Variants in NCALD observed in about 807,000 individuals in gnomAD.
NCALD encodes the protein neurocalcin delta.
A neutral mutation model predicts 18.6 loss-of-function variants in NCALD; 10 were observed. That is an observed-to-expected ratio of 0.54 (90% CI 0.33 to 0.91). NCALD has a LOEUF of 0.91. Ranked by LOEUF, NCALD falls within the 40% of genes least tolerant of loss-of-function variation. The pLI is 0.03. For missense variants in NCALD, 184 were observed against 247.6 expected, an observed-to-expected ratio of 0.74 and a Z score of 1.72; for synonymous variants, 88 against 87.4, an observed-to-expected ratio of 1.01 and a Z score of -0.04.
chr8:101,953,000 T>C (rs953491480), intron 2 of NCALD, among the ~76,000 whole-genome samples: 1 of 151,712 alleles, frequency 6.6e-6, no homozygotes, highest in Non-Finnish European at 1.5e-5. Flanking sequence ...TCCCCACGGG[T>C]TTTGAGGAGT....
chr8:102,119,300 T>C (rs1014891924), intron 1 of NCALD, among the ~76,000 whole-genome samples: 6 of 152,204 alleles, frequency 3.9e-5, no homozygotes, highest in Non-Finnish European at 5.9e-5. Context: ...GACATTATTA[T>C]AAGTGAAATA....
intron 1 of NCALD, among the ~76,000 whole-genome samples, chr8:102,089,582 T>A (rs1824856725): frequency 6.6e-6 from 1 of 152,168 alleles, no homozygotes; most frequent in African/African-American, 2.4e-5. Flanking sequence ...CGTAATGCCT[T>A]TTAGTTCACA....
At chr8:101,835,885 A>G (rs1221702324) in intron 4 of NCALD, among the ~76,000 whole-genome samples, 3 of 152,188 alleles carry the variant, frequency 2.0e-5, no homozygotes, top group African/African-American at 7.2e-5. Flanking sequence ...TAGATCACCT[A>G]AACAGTAGTA....
At chr8:101,733,059 G>C (rs1816914729) in intron 1 of NCALD, among the ~76,000 whole-genome samples, 2 of 152,248 alleles carry the variant, frequency 1.3e-5, no homozygotes, top group South Asian at 4.2e-4. Context: ...TGTAGAACCA[G>C]AACCATCCTC....
intron 1 of NCALD, among the ~76,000 whole-genome samples, chr8:102,119,344 T>A (rs1299371703): frequency 2.0e-5 from 3 of 152,158 alleles, no homozygotes; most frequent in Non-Finnish European, 2.9e-5. Flanking sequence ...ACCTTTTATA[T>A]GAGGTACCTA....
At chr8:101,722,061 T>C (rs1816384399) in intron 1 of NCALD, among the ~76,000 whole-genome samples, 2 of 152,300 alleles carry the variant, frequency 1.3e-5, no homozygotes, top group South Asian at 4.1e-4. Flanking sequence ...TAGCCTGGTC[T>C]CAGACTCCTG....
intron 1 of NCALD, among the ~76,000 whole-genome samples, chr8:101,758,696 T>C (rs1343286856): frequency 6.6e-6 from 1 of 152,172 alleles, no homozygotes; most frequent in East Asian, 1.9e-4. Flanking sequence ...TGGTATTCAT[T>C]ACATTGCAAG....
intron 2 of NCALD, among the ~76,000 whole-genome samples, chr8:102,008,899 C>T (rs556194353): frequency 1.5e-4 from 21 of 141,030 alleles, no homozygotes; most frequent in Non-Finnish European, 2.8e-4. Context: ...ACCACCCCCA[C>T]CTCCACCCCC....
chr8:101,883,189 CAGTG>C (rs751070797), intron 4 of NCALD, among the ~76,000 whole-genome samples: 8 of 151,994 alleles, frequency 5.3e-5, no homozygotes, highest in Non-Finnish European at 8.8e-5. Flanking sequence ...CTGGGCAACA[CAGTG>C]AGACACTCTG....
intron 3 of NCALD, chr8:101,690,286 C>T (rs944484270): frequency 2.4e-5 from 24 of 985,264 alleles, no homozygotes; most frequent in African/African-American, 1.9e-4. Flanking sequence ...TTGTCTACCC[C>T]GCCCCTGGGA....
At chr8:101,929,249 G>A (rs1224363296) in intron 2 of NCALD, among the ~76,000 whole-genome samples, 3 of 96,316 alleles carry the variant, frequency 3.1e-5, no homozygotes, top group East Asian at 3.3e-4. Context: ...GGAGGAGGAG[G>A]AGGAAGGGAT....
At chr8:102,032,196 T>G (rs1468497840) in intron 1 of NCALD, among the ~76,000 whole-genome samples, 1 of 152,126 alleles carries the variant, frequency 6.6e-6, no homozygotes. Flanking sequence ...GTGTATAAGA[T>G]GGGTCTGTAG....
chr8:101,740,701 CCAAA>C (rs1453244495), intron 1 of NCALD, among the ~76,000 whole-genome samples: 1 of 151,956 alleles, frequency 6.6e-6, no homozygotes, highest in Non-Finnish European at 1.5e-5. Flanking sequence ...TTAAAAAAAC[CCAAA>C]CAGACAGACA....
intron 1 of NCALD, among the ~76,000 whole-genome samples, chr8:101,743,871 G>C (rs780554783): frequency 4.6e-5 from 7 of 152,210 alleles, no homozygotes; most frequent in Non-Finnish European, 8.8e-5. Flanking sequence ...CCCAACACTT[G>C]AGTAACCACA....
chr8:101,973,319 C>T (rs1820308253), intron 2 of NCALD, among the ~76,000 whole-genome samples: 1 of 152,000 alleles, frequency 6.6e-6, no homozygotes, highest in Non-Finnish European at 1.5e-5. Flanking sequence ...TTTTGATGAC[C>T]TTGAGAGTTT....
chr8:101,837,916 G>A (rs915641137), intron 4 of NCALD, among the ~76,000 whole-genome samples: 2 of 152,128 alleles, frequency 1.3e-5, no homozygotes, highest in African/African-American at 4.8e-5. Context: ...AATTCTATTT[G>A]TTGGTCTGTC....
chr8:101,781,893 A>G (rs16868426), intron 1 of NCALD, among the ~76,000 whole-genome samples: 2,711 of 151,914 alleles, frequency 0.018, 105 homozygotes, highest in East Asian at 0.11. Flanking sequence ...GAACATTCTG[A>G]TAGTTGCCAG....
At chr8:101,858,678 C>T (rs751566076) in intron 4 of NCALD, among the ~76,000 whole-genome samples, 2 of 152,030 alleles carry the variant, frequency 1.3e-5, no homozygotes, top group Non-Finnish European at 2.9e-5. Context: ...TAGAATAGCC[C>T]TAGGGAAAAG....
At position 101,810,045 on chromosome 8, in the gene NCALD, C is replaced by T. The variant is rs543356863; in HGVS notation, c.-20+77096G>A. On this transcript the variant is annotated intron_variant, in intron 4 of 6. Transcript: ENST00000311028. ...TGTGGTGCCTGTGTTGACAGTGCAACGCCTATAAACAAGAACAGAGAAGCA... is the reference window on the plus strand; with the variant it reads ...TGTGGTGCCTGTGTTGACAGTGCAATGCCTATAAACAAGAACAGAGAAGCA... Among the ~76,000 whole-genome samples, 24 of 152,256 alleles carry T rather than the reference C, an allele frequency of 1.6e-4. No individual in the cohort carries two copies. The South Asian group carries it at 4.2e-3, about 26-fold the overall frequency.
Sources: allele counts gnomAD v4.1 joint callset (sites outside exome capture counted in the v4.1 genomes callset), GRCh38; gene constraint gnomAD v4.1.1; transcripts MANE v1.5; gene names NCBI Gene and HGNC (gene_info 2026-07-23, HGNC 2026-07-21).